The following RASL10A variants were observed in gnomAD, a reference collection of about 807,000 sequenced individuals.
The protein encoded by RASL10A is ras-like protein family member 10A.
Under a neutral mutation model 17.3 loss-of-function variants are expected in RASL10A, and 13 were observed. The ratio of observed to expected loss-of-function variants is 0.75; its 90% CI spans 0.49 to 1.20. The LOEUF (loss-of-function observed/expected upper bound fraction) is 1.20, where lower values mean the gene tolerates loss of function less well. Ranked by LOEUF, RASL10A falls within the 50% of genes most tolerant of loss-of-function variation. The probability of loss-of-function intolerance (pLI) is 0.00; values close to 1 mark genes in which losing one functional copy is unlikely to be tolerated. For synonymous variants in RASL10A, 159 were observed against 142.2 expected (o/e 1.12, Z -0.84); for missense variants, 307 against 310.3 (o/e 0.99, Z 0.08).
At chr22:29,313,680 C>CT (rs1267737992) in intron 2 of RASL10A, 112 bp from the exon 3 acceptor site, 3 of 1,417,710 alleles carry the variant, frequency 2.1e-6, no homozygotes, top group Admixed American at 2.7e-5. Context: ...CACCGCCCCC[C>CT]CCGCCGCCCC....
rs2061431950 is a variant in RASL10A at position 29,313,432 on chromosome 22, C to T, written c.481G>A (p.Ala161Thr). The T allele has an allele frequency of 1.3e-6, 2 of 1,540,930 alleles. No individual in the cohort carries two copies. The highest frequency in any genetic ancestry group is 1.4e-5 in the African/African-American group (1 of 73,048). Residue 161 changes from alanine (A) to threonine (T), a missense_variant, in exon 3 of 3, where the codon GCC becomes ACC. Transcript: ENST00000216101. The part of the protein sequence containing the change: ...GWRCGYLECS[A>T]KYNWHVLRLF... ...CGCAGCACGTGCCAGTTGTACTTGGCGGAGCACTCGAGGTAGCCGCAGCGC... is the reference window on the plus strand; with the variant it reads ...CGCAGCACGTGCCAGTTGTACTTGGTGGAGCACTCGAGGTAGCCGCAGCGC...
At chr22:29,314,168 G>A (rs1002604041) in intron 1 of RASL10A, 181 bp from the exon 2 acceptor site, 2 of 745,860 alleles carry the variant, frequency 2.7e-6, no homozygotes, top group African/African-American at 3.6e-5. Context: ...TTTCCAAATC[G>A]TGCCTGGAGC....
Position 29,314,247 on chromosome 22 carries a change from C to A in RASL10A, c.220-260G>T, listed in dbSNP as rs542697470. 1.1e-3 allele frequency: 508 copies of A among 447,432 alleles called. 8 individuals carry two copies. The South Asian group carries it at 0.014, about 12-fold the overall frequency. 27.7% of individuals were successfully genotyped at this position (447,432 alleles called of 1,614,324 possible). ...CCCGAATCTTCCTCTTTTCAGCTTT[C>A]CCCAACTCGGCTCAGGCCGCTCTCC... is the stretch of plus-strand genomic sequence containing the variant. On this transcript the variant is annotated intron_variant, in intron 1 of 2. Transcript: ENST00000216101.
At chr22:29,317,780 G>A (rs1285554589), upstream of RASL10A, among the ~76,000 whole-genome samples, 1 of 152,188 alleles carries the variant, frequency 6.6e-6, no homozygotes, top group Non-Finnish European at 1.5e-5. Context: ...CACCTCCTGG[G>A]TTCAAGCAAT....
upstream of RASL10A, among the ~76,000 whole-genome samples, chr22:29,318,851 A>G (rs556202515): frequency 7.2e-5 from 11 of 152,208 alleles, no homozygotes; most frequent in Non-Finnish European, 1.2e-4. Context: ...ACAGTGGCCA[A>G]GGTGGTCCTG....
At position 29,313,891 on chromosome 22, in the gene RASL10A, C is replaced by T; in HGVS notation, c.316G>A (p.Ala106Thr). 6.2e-7 allele frequency: 1 copy of T among 1,613,910 alleles called. No individual in the cohort carries two copies. Among genetic ancestry groups the T allele is most frequent in the Non-Finnish European group, 8.5e-7 (1 of 1,180,034 alleles). The stretch of plus-strand genomic sequence containing the variant: ...GTCTCCGCGATGCGCTGCCGCAGGG[C>T]CTTCACGTAGTCGAAACTGTCCGGG... ...CSPDSFDYVK[A>T]LRQRIAETRP... The change falls in exon 2 of 3, where the codon GCC (alanine) becomes ACC (threonine). Residue 106 changes from alanine to threonine, a missense_variant. Ala to Thr is a moderately conservative substitution (Grantham distance 58). Coordinates refer to ENST00000216101, the MANE Select transcript of RASL10A (RefSeq NM_006477.5).
intron 2 of RASL10A, 110 bp from the exon 3 acceptor site, chr22:29,313,678 C>T (rs1184451798): frequency 7.1e-7 from 1 of 1,414,842 alleles, no homozygotes; most frequent in Non-Finnish European, 9.3e-7. Flanking sequence ...GACACCGCCC[C>T]CCCCGCCGCC....
chr22:29,315,796 C>T (rs2061450961), upstream of RASL10A: 1 of 152,160 alleles, frequency 6.6e-6, no homozygotes, highest in Non-Finnish European at 1.5e-5. This position sits in a 1 kb window ranked among gnomAD's most constrained non-coding sequence, Gnocchi z 5.5. Context: ...CAGGACGCCC[C>T]TCCCAGGAAG....
chr22:29,317,438 C>G (rs2061459391), upstream of RASL10A, among the ~76,000 whole-genome samples: 1 of 152,162 alleles, frequency 6.6e-6, no homozygotes, highest in South Asian at 2.1e-4. Flanking sequence ...TGGAATCTCA[C>G]TATGTTGCCC....
chr22:29,316,824 T>G (rs184494803), upstream of RASL10A: 1 of 152,132 alleles, frequency 6.6e-6, no homozygotes, highest in East Asian at 1.9e-4. Flanking sequence ...CTGAGATAGA[T>G]TTAAAAAACA....
At position 29,313,871 on chromosome 22, in the gene RASL10A, C is replaced by T; in HGVS notation, c.336G>A (p.Ala112=). 1 of 1,613,486 alleles carries T rather than the reference C, an allele frequency of 6.2e-7. No individual in the cohort carries two copies. The highest frequency in any genetic ancestry group is 8.5e-7 in the Non-Finnish European group (1 of 1,180,028). ...AACTGCCGGGCCCCTACCTGGTCTC[C>T]GCGATGCGCTGCCGCAGGGCCTTCA... ...DYVKALRQRI[A]ETRPAGAPEA... is the part of the protein sequence containing the mutation. Residue 112 remains alanine, a synonymous_variant, in exon 2 of 3, where the codon GCG becomes GCA. Transcript: ENST00000216101.
At position 29,313,376 on chromosome 22, in the gene RASL10A, C is replaced by G; in HGVS notation, c.537G>C (p.Leu179=). 1 of 1,544,016 alleles carries G rather than the reference C, an allele frequency of 6.5e-7. No individual in the cohort carries two copies. ...CCGGGTGTGCAGGGCGCGCGCGCAC[C>G]AGAGCGCAGCGCAGCAGCTCGCGGA... ...RLFRELLRCA[L]VRARPAHPAL... The change falls in exon 3 of 3, where the codon CTG becomes CTC. Residue 179 remains leucine, a synonymous_variant. Transcript: ENST00000216101.
At chr22:29,314,642 A>G (rs2147911600) in intron 1 of RASL10A, among the ~76,000 whole-genome samples, 1 of 152,234 alleles carries the variant, frequency 6.6e-6, no homozygotes, top group East Asian at 1.9e-4. Flanking sequence ...CAGCCCCCGT[A>G]GAAAGTACAC....
chr22:29,313,916 G>C lies in RASL10A; in HGVS notation c.291C>G (p.Ser97Arg). 6.2e-7 allele frequency: 1 copy of C among 1,613,992 alleles called. No homozygotes were observed. The highest frequency in any genetic ancestry group is 8.5e-7 in the Non-Finnish European group (1 of 1,180,034). ...DAFVLVYDICSPDSFDYVKAL... is the reference protein window; with the variant it reads ...DAFVLVYDICRPDSFDYVKAL... The stretch of plus-strand genomic sequence containing the variant: ...CCTTCACGTAGTCGAAACTGTCCGG[G>C]CTGCAGATGTCGTAGACGAGCACGA... The change falls in exon 2 of 3, where the codon AGC (serine) becomes AGG (arginine). Residue 97 changes from serine (S) to arginine (R), a missense_variant. Transcript: ENST00000216101.
chr22:29,315,502 G>C lies in RASL10A; in HGVS notation c.-256C>G, dbSNP rs967250194. On this transcript the variant is annotated 5_prime_UTR_variant, in exon 1 of 3. Transcript: ENST00000216101. This position sits in a 1 kb window ranked among gnomAD's most constrained non-coding sequence, Gnocchi z 5.5. Reference sequence around the variant, plus strand: ...GGCTCGGGCGGGTGCCGAAGCTCGAGAGAGAGCAGAGCCGGAGCGGCGCTC... The same window carrying C: ...GGCTCGGGCGGGTGCCGAAGCTCGACAGAGAGCAGAGCCGGAGCGGCGCTC... 39 of 233,996 alleles carry C rather than the reference G, an allele frequency of 1.7e-4. No homozygotes were observed. The highest frequency in any genetic ancestry group is 1.3e-3 in the Middle Eastern group (1 of 744). 14.5% of individuals were successfully genotyped at this position (233,996 alleles called of 1,614,324 possible). A position where few individuals can be genotyped will look rare whatever the true frequency, so the allele number is the denominator to read the frequency against.
Position 29,313,145 on chromosome 22 carries a change from C to A in RASL10A, c.*156G>T. ...GGGTCCAATGAGGTTCAAAAGGGGGCCAGTCGCTTAGGAGACTGGGTTGGA... is the reference window on the plus strand; with the variant it reads ...GGGTCCAATGAGGTTCAAAAGGGGGACAGTCGCTTAGGAGACTGGGTTGGA... On this transcript the variant is annotated 3_prime_UTR_variant, in exon 3 of 3. Coordinates refer to ENST00000216101, the MANE Select transcript of RASL10A (RefSeq NM_006477.5). The A allele has an allele frequency of 9.7e-7, 1 of 1,036,248 alleles. No homozygotes were observed. The highest frequency in any genetic ancestry group is 1.3e-6 in the Non-Finnish European group (1 of 766,968). 64.2% of individuals were successfully genotyped at this position (1,036,248 alleles called of 1,614,324 possible). A position where few individuals can be genotyped will look rare whatever the true frequency, so the allele number is the denominator to read the frequency against.
At chr22:29,317,460 G>A (rs998260899), upstream of RASL10A, among the ~76,000 whole-genome samples, 1 of 152,062 alleles carries the variant, frequency 6.6e-6, no homozygotes, top group Non-Finnish European at 1.5e-5. Flanking sequence ...GGCTGGTCTT[G>A]AACTCCTGGC....
upstream of RASL10A, among the ~76,000 whole-genome samples, chr22:29,316,002 C>G (rs1194374333): frequency 6.6e-6 from 1 of 152,194 alleles, no homozygotes; most frequent in South Asian, 2.1e-4. Context: ...TCAGGCCGCC[C>G]GGGGTCCGAA....
In RASL10A at chr22:29,313,381, C is replaced by A. The variant is rs919751584; in HGVS notation, c.532G>T (p.Ala178Ser). 13 of 1,543,728 alleles carry A rather than the reference C, an allele frequency of 8.4e-6. No homozygotes were observed. The highest frequency in any genetic ancestry group is 2.0e-5 in the Admixed American group (1 of 50,910). ...TGTGCAGGGCGCGCGCGCACCAGAG[C>A]GCAGCGCAGCAGCTCGCGGAAGAGA... is the stretch of plus-strand genomic sequence containing the variant. The part of the protein sequence containing the change: ...LRLFRELLRC[A>S]LVRARPAHPA... Residue 178 changes from alanine (A) to serine (S), a missense_variant, in exon 3 of 3, where the codon GCT (alanine) becomes TCT (serine). Ala to Ser is a moderately conservative substitution (Grantham distance 99, BLOSUM62 1). Coordinates refer to ENST00000216101, the MANE Select transcript of RASL10A (RefSeq NM_006477.5).
Sources: gnomAD v4.1 joint callset for allele counts (sites outside exome capture counted in the v4.1 genomes callset) on GRCh38, gnomAD v4.1.1 for gene constraint, Gnocchi (gnomAD v3.1) non-coding constraint, MANE v1.5 for transcripts, NCBI Gene and HGNC (gene_info 2026-07-23, HGNC 2026-07-21) for gene names.